The following EDRF1 variants were observed in gnomAD, a reference collection of about 807,000 sequenced individuals.
EDRF1 encodes the protein erythroid differentiation regulatory factor 1.
EDRF1 carries 69 observed loss-of-function variants against 148.7 expected under a neutral mutation model. The ratio of observed to expected loss-of-function variants is 0.46; its 90% CI spans 0.38 to 0.57. EDRF1 has a LOEUF of 0.57. EDRF1 is among the 20% of genes least tolerant of loss of function. The pLI, the probability that EDRF1 is intolerant of heterozygous loss-of-function variation, is 0.00. For synonymous variants in EDRF1, 515 were observed against 532.8 expected, an observed-to-expected ratio of 0.97 and a Z score of 0.46; for missense variants, 1,118 against 1,478.7, an observed-to-expected ratio of 0.76 and a Z score of 4.00.
At chr10:125,750,446 T>C (rs776141528) in intron 22 of EDRF1, 1 of 152,220 alleles carries the variant, frequency 6.6e-6, no homozygotes, top group Non-Finnish European at 1.5e-5. Context: ...TCACCTATTC[T>C]CCTCTCCCGC....
intron 6 of EDRF1, among the ~76,000 whole-genome samples, chr10:125,726,673 C>T (rs1365381978): frequency 6.6e-6 from 1 of 152,156 alleles, no homozygotes; most frequent in Non-Finnish European, 1.5e-5. Flanking sequence ...ACATTTAACT[C>T]GATTTTAGTT....
intron 22 of EDRF1, among the ~76,000 whole-genome samples, chr10:125,752,520 G>A (rs554132527): frequency 6.6e-6 from 1 of 152,294 alleles, no homozygotes; most frequent in African/African-American, 2.4e-5. Context: ...ACTCTTTTCT[G>A]CTGGTCCCTT....
chr10:125,757,108 T>C, intron 24 of EDRF1: 1 of 394,040 alleles, frequency 2.5e-6, no homozygotes, highest in Non-Finnish European at 4.9e-6. Flanking sequence ...CCACTGCACC[T>C]GGCCCAAGGG....
chr10:125,725,814 T>G lies in EDRF1; in HGVS notation c.768T>G (p.Ser256=), dbSNP rs138948692. ...PAPFEMPSSV[S]EDPSASSQGS... Reference sequence around the variant, plus strand: ...CCTTCGAAATGCCTTCTTCAGTTTCTGAAGATCCCAGTGCTTCCAGTCAGG... The same window carrying G: ...CCTTCGAAATGCCTTCTTCAGTTTCGGAAGATCCCAGTGCTTCCAGTCAGG... Residue 256 remains serine, a synonymous_variant, in exon 6 of 25, where the codon TCT becomes TCG. Coordinates refer to ENST00000356792, the MANE Select transcript of EDRF1 (RefSeq NM_001202438.2). 2,071 of 1,613,718 alleles carry G rather than the reference T, an allele frequency of 1.3e-3. 1 individual carries two copies. The highest frequency in any genetic ancestry group is 1.6e-3 in the Non-Finnish European group (1,869 of 1,180,010).
intron 24 of EDRF1, chr10:125,761,174 A>T (rs1850175321): frequency 2.7e-6 from 1 of 373,062 alleles, no homozygotes; most frequent in Non-Finnish European, 5.2e-6. Flanking sequence ...CTATAGAATT[A>T]GAGTGAAAGA....
intron 24 of EDRF1, chr10:125,756,897 C>G: frequency 2.4e-6 from 1 of 410,664 alleles, no homozygotes. Context: ...ACTGCAGCCC[C>G]AACTTCCTGG....
chr10:125,740,577 T>A lies in EDRF1; in HGVS notation c.2096T>A (p.Leu699Ter). The A allele has an allele frequency of 6.2e-7, 1 of 1,614,176 alleles. No homozygotes were observed. The highest frequency in any genetic ancestry group is 8.5e-7 in the Non-Finnish European group (1 of 1,180,030). ...AAGTCATCAAAGGCCTATTATGTTT[T>A]GTCCGATGCTGCCATGAGTCTTCAG... ...ILKSSKAYYV[L>*]SDAAMSLQKY... Residue 699 changes from leucine (L) to a stop codon, truncating the protein, a stop_gained, in exon 16 of 25, where the codon TTG (leucine) becomes TAG (stop). Transcript: ENST00000356792. LOFTEE classifies it high-confidence loss of function.
intron 4 of EDRF1, among the ~76,000 whole-genome samples, chr10:125,724,313 C>A (rs183964931): frequency 6.6e-6 from 1 of 152,208 alleles, no homozygotes; most frequent in South Asian, 2.1e-4. Context: ...ATATTAGAAG[C>A]TGTTCCTATG....
chr10:125,750,355 T>G (rs41314428), intron 22 of EDRF1: 1,825 of 152,362 alleles, frequency 0.012, 19 homozygotes, highest in Middle Eastern at 0.024. Context: ...TGCTTTCTTA[T>G]GTTATTTTCC....
chr10:125,728,183 C>T (rs1589824817), intron 6 of EDRF1, among the ~76,000 whole-genome samples: 1 of 124,250 alleles, frequency 8.0e-6, no homozygotes, highest in African/African-American at 2.7e-5. Flanking sequence ...GCCTGGGCAA[C>T]TCTGTCTCAA....
chr10:125,748,093 T>C (rs1404945790), intron 21 of EDRF1, 81 bp downstream of exon 21: 8 of 1,522,312 alleles, frequency 5.3e-6, no homozygotes, highest in Non-Finnish European at 7.3e-6. Context: ...AACATGGTCA[T>C]ATATGTCTTC....
At position 125,763,887 on chromosome 10, in the gene EDRF1, C is replaced by T; in HGVS notation, c.*415C>T. 4.3e-6 allele frequency: 1 copy of T among 232,292 alleles called. No homozygotes were observed. The highest frequency in any genetic ancestry group is 8.7e-6 in the Non-Finnish European group (1 of 115,584). The allele number at this position is 232,292 out of a possible 1,614,324, so 14.4% of individuals were successfully genotyped here. ...AGGTTCAAGTGGGTTAAGGAGACCTCCTGTACATCTACAGTGTTTCCTTTT... is the reference window on the plus strand; with the variant it reads ...AGGTTCAAGTGGGTTAAGGAGACCTTCTGTACATCTACAGTGTTTCCTTTT... On this transcript the variant is annotated 3_prime_UTR_variant, in exon 25 of 25. Coordinates refer to ENST00000356792, the MANE Select transcript of EDRF1 (RefSeq NM_001202438.2). The surrounding 1 kb of genome is among the most constrained non-coding windows in gnomAD (Gnocchi z 4.3).
At chr10:125,738,685 G>A (rs1305017012) in intron 15 of EDRF1, among the ~76,000 whole-genome samples, 2 of 152,170 alleles carry the variant, frequency 1.3e-5, no homozygotes, top group Non-Finnish European at 2.9e-5. Context: ...CCACAGTGGG[G>A]AACTAATGCT....
At chr10:125,732,291 G>A (rs1448464052) in intron 9 of EDRF1, among the ~76,000 whole-genome samples, 1 of 152,176 alleles carries the variant, frequency 6.6e-6, no homozygotes, top group Non-Finnish European at 1.5e-5. Context: ...GAGGGGAACA[G>A]GAGTCAAAGG....
At chr10:125,742,592 C>T (rs1849086946) in intron 17 of EDRF1, 2 of 985,304 alleles carry the variant, frequency 2.0e-6, no homozygotes, top group South Asian at 9.4e-5. Context: ...CCCATCATAG[C>T]AATTTCAGTT....
chr10:125,721,857 A>G (rs1848023264), intron 2 of EDRF1, among the ~76,000 whole-genome samples: 1 of 152,210 alleles, frequency 6.6e-6, no homozygotes, highest in Non-Finnish European at 1.5e-5. Flanking sequence ...TGGGTGACCT[A>G]CACCTTGACT....
chr10:125,753,514 G>A (rs1849744919), intron 23 of EDRF1, among the ~76,000 whole-genome samples, 180 bp from the exon 24 acceptor site: 1 of 152,182 alleles, frequency 6.6e-6, no homozygotes, highest in Non-Finnish European at 1.5e-5. Flanking sequence ...TATTGGGGCT[G>A]AGACATTTTA....
chr10:125,755,404 T>C (rs1224547108), intron 24 of EDRF1, among the ~76,000 whole-genome samples: 2 of 152,188 alleles, frequency 1.3e-5, no homozygotes, highest in South Asian at 2.1e-4. Context: ...TTTGCTGATA[T>C]TTTGTTGATA....
Position 125,725,545 on chromosome 10 carries a change from A to C in EDRF1, c.635+103A>C. The C allele has an allele frequency of 3.2e-6, 5 of 1,570,158 alleles. No individual in the cohort carries two copies. In the South Asian group the frequency reaches 5.6e-5, roughly 18 times the overall value. ...ATAATTTAAGTTTTGCCCCTGTGAT[A>C]CTGTTAACATTTGTTTCATATTTCT... On this transcript the variant is annotated intron_variant, in intron 5 of 24. Transcript: ENST00000356792.
Sources: allele counts gnomAD v4.1 joint callset (sites outside exome capture counted in the v4.1 genomes callset), GRCh38; gene constraint gnomAD v4.1.1; non-coding constraint Gnocchi (gnomAD v3.1); transcripts MANE v1.5; gene names NCBI Gene and HGNC (gene_info 2026-07-23, HGNC 2026-07-21).